NLK: variants seen among roughly 807,000 people sequenced by gnomAD.
NLK encodes serine/threonine-protein kinase NLK.
NLK carries 11 observed loss-of-function variants against 59.0 expected under a neutral mutation model. That is an observed-to-expected ratio of 0.19 (90% CI 0.12 to 0.31). The LOEUF (loss-of-function observed/expected upper bound fraction) is 0.31. NLK is among the 10% of genes least tolerant of loss of function. The pLI is 1.00. For missense variants in NLK, 410 were observed against 661.1 expected (o/e 0.62, Z 4.16); for synonymous variants, 235 against 235.9 (o/e 1.00, Z 0.03).
intron 1 of NLK, among the ~76,000 whole-genome samples, chr17:28,080,239 C>T (rs1910301496): frequency 6.6e-6 from 1 of 152,056 alleles, no homozygotes; most frequent in Admixed American, 6.6e-5. Flanking sequence ...ATTGCTTGAG[C>T]CCAGGAGTTT....
chr17:28,074,639 A>G (rs965891164), intron 1 of NLK, among the ~76,000 whole-genome samples: 1 of 152,098 alleles, frequency 6.6e-6, no homozygotes, highest in African/African-American at 2.4e-5. Context: ...ACGAAAAGAG[A>G]TCTAAGGGCC....
At chr17:28,063,666 A>G (rs1356029385) in intron 1 of NLK, among the ~76,000 whole-genome samples, 2 of 152,012 alleles carry the variant, frequency 1.3e-5, no homozygotes, top group African/African-American at 4.8e-5. Flanking sequence ...TTATTCCCTC[A>G]CCCTCATAAA....
chr17:28,122,756 G>A, intron 2 of NLK, 24 bp downstream of exon 2: 2 of 1,612,852 alleles, frequency 1.2e-6, no homozygotes, highest in Non-Finnish European at 1.7e-6. Flanking sequence ...GTATTTGGGG[G>A]AAACTATTTC....
chr17:28,078,585 A>T (rs1252169552), intron 1 of NLK, among the ~76,000 whole-genome samples: 1 of 152,148 alleles, frequency 6.6e-6, no homozygotes, highest in Non-Finnish European at 1.5e-5. Context: ...TTCTCATTGT[A>T]GTTAGTCACC....
chr17:28,140,503 C>G (rs963852715), intron 3 of NLK, among the ~76,000 whole-genome samples: 1 of 152,098 alleles, frequency 6.6e-6, no homozygotes, highest in African/African-American at 2.4e-5. Context: ...CAGTGACTGT[C>G]GTGAAAGAAG....
At chr17:28,046,923 T>TG (rs1390304918) in intron 1 of NLK, among the ~76,000 whole-genome samples, 1 of 152,232 alleles carries the variant, frequency 6.6e-6, no homozygotes, top group Non-Finnish European at 1.5e-5. Context: ...GGGATTCACT[T>TG]GCTCTGTTGC....
In NLK at chr17:28,132,673, A is replaced by G; in HGVS notation, c.642A>G (p.Glu214=). ...LQPPHIDYFE[E]IYVVTELMQS... ...CTCCACACATTGACTATTTTGAAGA[A>G]ATGTATCCTAACCAGGGAATGTGAA... is the stretch of plus-strand genomic sequence containing the variant. The change falls in exon 3 of 11, where the codon GAA becomes GAG. Residue 214 remains glutamate, a splice_region_variant and synonymous_variant. Coordinates refer to ENST00000407008, the MANE Select transcript of NLK (RefSeq NM_016231.5). The G allele has an allele frequency of 1.9e-6, 3 of 1,608,176 alleles. No individual in the cohort carries two copies. Among genetic ancestry groups the G allele is most frequent in the Non-Finnish European group, 2.6e-6 (3 of 1,176,382 alleles).
rs1001091109 is a variant in NLK at position 28,096,683 on chromosome 17, C to G, written c.459-25920C>G. Among the ~76,000 whole-genome samples, 38 of 152,068 alleles carry G rather than the reference C, an allele frequency of 2.5e-4. 1 individual carries two copies. The highest frequency in any genetic ancestry group is 8.9e-4 in the African/African-American group (37 of 41,388). ...CATATTGAAGACACTTCTCTAGTTT[C>G]CCACTCCCCCATCTATTTCCAAACA... On this transcript the variant is annotated intron_variant, in intron 1 of 10. Transcript: ENST00000407008.
intron 1 of NLK, among the ~76,000 whole-genome samples, chr17:28,090,790 G>C (rs1030055856): frequency 1.3e-5 from 2 of 152,058 alleles, no homozygotes; most frequent in African/African-American, 2.4e-5. Context: ...ATGTTACTCT[G>C]TTATTTTCTG....
chr17:28,122,040 G>A (rs980804867), intron 1 of NLK, among the ~76,000 whole-genome samples: 16 of 152,236 alleles, frequency 1.1e-4, no homozygotes, highest in Admixed American at 7.2e-4. Flanking sequence ...ATCATTACTC[G>A]GGAGCTACAG....
At chr17:28,088,904 A>C (rs534879810) in intron 1 of NLK, among the ~76,000 whole-genome samples, 1 of 152,318 alleles carries the variant, frequency 6.6e-6, no homozygotes, top group South Asian at 2.1e-4. Context: ...TGATACTTCA[A>C]ATTCAAATGA....
chr17:28,186,268 C>G (rs562009421), intron 8 of NLK, among the ~76,000 whole-genome samples: 1 of 152,298 alleles, frequency 6.6e-6, no homozygotes, highest in Non-Finnish European at 1.5e-5. Context: ...GACATCAGCA[C>G]AGCAAAGATT....
At chr17:28,043,992 C>G (rs1181514021) in intron 1 of NLK, among the ~76,000 whole-genome samples, 1 of 152,128 alleles carries the variant, frequency 6.6e-6, no homozygotes, top group East Asian at 1.9e-4. Context: ...ATGCAGTGGC[C>G]CACATTCAGT....
chr17:28,125,656 G>A (rs1395478975), intron 2 of NLK, among the ~76,000 whole-genome samples: 1 of 152,060 alleles, frequency 6.6e-6, no homozygotes, highest in East Asian at 1.9e-4. Context: ...TTTCCAAAAG[G>A]ATCTCAGGGC....
intron 3 of NLK, among the ~76,000 whole-genome samples, chr17:28,143,106 T>A (rs1907078182): frequency 6.6e-6 from 1 of 151,320 alleles, no homozygotes; most frequent in South Asian, 2.1e-4. Flanking sequence ...TACAATGGCA[T>A]GATCTTGGCT....
chr17:28,047,785 T>G (rs1460012756), intron 1 of NLK: 5 of 390,072 alleles, frequency 1.3e-5, no homozygotes, highest in Non-Finnish European at 2.3e-5. Context: ...CTGGTCCTCT[T>G]ACTCCACATA....
chr17:28,115,547 C>T (rs1905728504), intron 1 of NLK, among the ~76,000 whole-genome samples: 1 of 152,144 alleles, frequency 6.6e-6, no homozygotes, highest in Non-Finnish European at 1.5e-5. Context: ...ATTACTGTAG[C>T]TTTATTATGT....
intron 6 of NLK, among the ~76,000 whole-genome samples, chr17:28,172,135 C>T (rs566114307): frequency 1.3e-5 from 2 of 149,592 alleles, no homozygotes; most frequent in East Asian, 4.0e-4. Flanking sequence ...ATTTAAATTC[C>T]TTTACATGAG....
At chr17:28,055,553 C>T (rs1394920768) in intron 1 of NLK, among the ~76,000 whole-genome samples, 2 of 151,726 alleles carry the variant, frequency 1.3e-5, no homozygotes, top group Non-Finnish European at 2.9e-5. Context: ...CCATGTTGTC[C>T]AGGCTGGTCT....
Sources: allele counts gnomAD v4.1 joint callset (sites outside exome capture counted in the v4.1 genomes callset), GRCh38; gene constraint gnomAD v4.1.1; transcripts MANE v1.5; gene names NCBI Gene and HGNC (gene_info 2026-07-23, HGNC 2026-07-21).